Variants in NCKAP5 observed in about 807,000 individuals in gnomAD.
NCKAP5 encodes the protein NCK associated protein 5, also known as nck-associated protein 5.
A neutral mutation model predicts 167.0 loss-of-function variants in NCKAP5; 92 were observed. The ratio of observed to expected loss-of-function variants is 0.55; its 90% CI spans 0.47 to 0.66. NCKAP5 has a LOEUF of 0.66. Ranked by LOEUF, NCKAP5 falls within the 30% of genes least tolerant of loss-of-function variation. NCKAP5 has a pLI of 0.00. For missense variants in NCKAP5, 2,378 were observed against 2,315.0 expected (o/e 1.03, Z -0.56); for synonymous variants, 891 against 877.4 (o/e 1.02, Z -0.27).
At chr2:133,182,632 G>C (rs2084785913) in intron 5 of NCKAP5, among the ~76,000 whole-genome samples, 3 of 152,148 alleles carry the variant, frequency 2.0e-5, no homozygotes, top group Admixed American at 6.5e-5. Context: ...GCAATGCCAT[G>C]AGGGAAATTT....
intron 15 of NCKAP5, among the ~76,000 whole-genome samples, chr2:132,777,735 G>T (rs189443747): frequency 6.6e-6 from 1 of 152,034 alleles, no homozygotes; most frequent in African/African-American, 2.4e-5. Context: ...GTAACATTTC[G>T]CAGAACTTAA....
At chr2:133,500,937 T>C (rs1682453316) in intron 3 of NCKAP5, among the ~76,000 whole-genome samples, 1 of 152,142 alleles carries the variant, frequency 6.6e-6, no homozygotes, top group African/African-American at 2.4e-5. Flanking sequence ...TGTAACACCA[T>C]CTCTACAGCT....
chr2:132,902,357 T>C (rs1395289680), intron 8 of NCKAP5, among the ~76,000 whole-genome samples: 1 of 152,192 alleles, frequency 6.6e-6, no homozygotes, highest in African/African-American at 2.4e-5. Flanking sequence ...CACAAATCTC[T>C]GGTAGGTATC....
intron 6 of NCKAP5, among the ~76,000 whole-genome samples, chr2:133,100,620 T>C (rs2081480369): frequency 6.6e-6 from 1 of 152,212 alleles, no homozygotes; most frequent in Non-Finnish European, 1.5e-5. Flanking sequence ...TAAGAAATCC[T>C]TTTTGGTTAT....
At chr2:132,719,098 C>A (rs1689659192) in intron 19 of NCKAP5, among the ~76,000 whole-genome samples, 1 of 152,000 alleles carries the variant, frequency 6.6e-6, no homozygotes, top group Non-Finnish European at 1.5e-5. Flanking sequence ...GGAGGCCAGA[C>A]CATATAAGCA....
At chr2:133,280,837 T>C (rs893867624) in intron 4 of NCKAP5, among the ~76,000 whole-genome samples, 16 of 152,182 alleles carry the variant, frequency 1.1e-4, no homozygotes, top group Non-Finnish European at 1.8e-4. Context: ...TTGAGCAATT[T>C]GTGACAGTGA....
At chr2:132,986,660 G>T (rs545309172) in intron 7 of NCKAP5, among the ~76,000 whole-genome samples, 6 of 152,214 alleles carry the variant, frequency 3.9e-5, no homozygotes, top group Admixed American at 6.5e-5. Context: ...GCTATTTAAA[G>T]GAGATTTCTT....
chr2:132,956,583 G>A (rs2076352401), intron 8 of NCKAP5, among the ~76,000 whole-genome samples: 1 of 152,138 alleles, frequency 6.6e-6, no homozygotes, highest in African/African-American at 2.4e-5. Context: ...ATTGGCACAC[G>A]AATGTGCCAT....
chr2:133,592,679 T>C, the NCKAP5 span, among the ~76,000 whole-genome samples: 2 of 152,244 alleles, frequency 1.3e-5, no homozygotes, highest in Admixed American at 1.3e-4. Flanking sequence ...ATCCATTTAA[T>C]TTTATAAAAG....
intron 3 of NCKAP5, among the ~76,000 whole-genome samples, chr2:133,393,571 T>A (rs1471240095): frequency 6.6e-6 from 1 of 152,230 alleles, no homozygotes; most frequent in Non-Finnish European, 1.5e-5. Context: ...ATAACCACCA[T>A]AAATTATATT....
the NCKAP5 span, among the ~76,000 whole-genome samples, chr2:133,588,068 G>A: frequency 6.6e-6 from 1 of 152,052 alleles, no homozygotes; most frequent in Non-Finnish European, 1.5e-5. Flanking sequence ...TAGAGTTGAT[G>A]CCATGTCATA....
chr2:132,987,642 A>T (rs1409310056), intron 7 of NCKAP5, among the ~76,000 whole-genome samples: 2 of 152,208 alleles, frequency 1.3e-5, no homozygotes, highest in South Asian at 2.1e-4. Context: ...GGCCCAGAAA[A>T]CACAACAGCT....
intron 3 of NCKAP5, among the ~76,000 whole-genome samples, chr2:133,318,574 G>A (rs1042590433): frequency 5.3e-5 from 8 of 152,188 alleles, no homozygotes; most frequent in African/African-American, 1.4e-4. Flanking sequence ...TCCGATTCAG[G>A]AGAAAAGTTT....
chr2:132,860,202 T>C (rs1407323276), intron 11 of NCKAP5, among the ~76,000 whole-genome samples: 1 of 152,216 alleles, frequency 6.6e-6, no homozygotes, highest in African/African-American at 2.4e-5. Context: ...AAGCAATCAA[T>C]TATTTCCTAA....
rs536662107 is a variant in NCKAP5 at position 132,796,510 on chromosome 2, T to C, written c.909+118A>G. The C allele has an allele frequency of 1.4e-4, 86 of 602,330 alleles. 3 individuals carry two copies. In the East Asian group the frequency reaches 2.3e-3, roughly 16 times the overall value. The allele number at this position is 602,330 out of a possible 1,614,324, so 37.3% of individuals were successfully genotyped here. A position where few individuals can be genotyped will look rare whatever the true frequency, so the allele number is the denominator to read the frequency against. ...TCAGAGAACACAAGAAAGGAAGGTA[T>C]TTTTATCTGCCTGACAATGCTTCAA... On this transcript the variant is annotated intron_variant, in intron 12 of 19. Coordinates refer to ENST00000409261, the MANE Select transcript of NCKAP5 (RefSeq NM_207363.3).
Position 132,796,695 on chromosome 2 carries a change from C to T in NCKAP5, c.842G>A (p.Gly281Glu). The T allele has an allele frequency of 6.2e-7, 1 of 1,613,122 alleles. No homozygotes were observed. Among genetic ancestry groups the T allele is most frequent in the Non-Finnish European group, 8.5e-7 (1 of 1,179,466 alleles). ...TCTTTCCACCTCTGAAAGCAAATCTCCAGATGAAAGATCCAAGAGACGTGA... is the reference window on the plus strand; with the variant it reads ...TCTTTCCACCTCTGAAAGCAAATCTTCAGATGAAAGATCCAAGAGACGTGA... The part of the protein sequence containing the change: ...LHSRLLDLSS[G>E]DLLSEVERNR... The change falls in exon 12 of 20, where the codon GGA (glycine) becomes GAA (glutamate). Residue 281 changes from glycine (G) to glutamate (E), a missense_variant. This residue lies in a region of NCKAP5 where 1,049 missense variants were observed against 1,023.4 expected (regional missense o/e 1.02). Transcript: ENST00000409261.
chr2:133,191,825 G>T (rs1409880894), intron 5 of NCKAP5, among the ~76,000 whole-genome samples: 1 of 151,958 alleles, frequency 6.6e-6, no homozygotes, highest in Admixed American at 6.6e-5. Context: ...TGTAAATGAT[G>T]AGTTCATGGG....
intron 3 of NCKAP5, among the ~76,000 whole-genome samples, chr2:133,483,624 A>G (rs2151322576): frequency 7.5e-6 from 1 of 134,000 alleles, no homozygotes; most frequent in African/African-American, 3.0e-5. Context: ...TCTGCAAAAA[A>G]AAAGGGGGGG....
chr2:133,128,751 T>A (rs2082487671), intron 6 of NCKAP5, among the ~76,000 whole-genome samples: 1 of 151,934 alleles, frequency 6.6e-6, no homozygotes, highest in Non-Finnish European at 1.5e-5. Flanking sequence ...GCACCTGCCA[T>A]CATGCCCGGC....
Sources: gnomAD v4.1 joint callset for allele counts (sites outside exome capture counted in the v4.1 genomes callset) on GRCh38, gnomAD v4.1.1 for gene constraint, gnomAD v4.1.1 regional missense constraint, MANE v1.5 for transcripts, NCBI Gene and HGNC (gene_info 2026-07-23, HGNC 2026-07-21) for gene names.